OR1D5: variants seen among roughly 807,000 people sequenced by gnomAD.
The protein encoded by OR1D5 is olfactory receptor 1D5.
For synonymous variants in OR1D5, 56 were observed against 159.1 expected, an observed-to-expected ratio of 0.35 and a Z score of 4.88; for missense variants, 159 against 381.5, an observed-to-expected ratio of 0.42 and a Z score of 4.86.
rs768426956 is a variant in OR1D5 at position 3,062,842 on chromosome 17, C to T, written c.766G>A (p.Ala256Thr). The change falls in exon 1 of 1, where the codon GCT becomes ACT. Residue 256 changes from alanine (A) to threonine (T), a missense_variant. Physicochemically the swap from Ala to Thr is moderately conservative, Grantham distance 58. Coordinates refer to ENST00000575751, the MANE Select transcript of OR1D5 (RefSeq NM_014566.1). ...GVVSLFYGTLAMVYLQPLHTY... is the reference protein window; with the variant it reads ...GVVSLFYGTLTMVYLQPLHTY... ...TGGAGGGGCTGCAGGTACACCATAG[C>T]AAGCGTCCCATAAAAGAGGGAGACC... The T allele has an allele frequency of 1.2e-6, 2 of 1,614,202 alleles. No individual in the cohort carries two copies. The highest frequency in any genetic ancestry group is 2.2e-5 in the South Asian group (2 of 91,084).
In OR1D5 at chr17:3,063,113, C is replaced by G. The variant is rs781701038; in HGVS notation, c.495G>C (p.Arg165Ser). 1 of 1,613,174 alleles carries G rather than the reference C, an allele frequency of 6.2e-7. No homozygotes were observed. Among genetic ancestry groups the G allele is most frequent in the African/African-American group, 1.3e-5 (1 of 74,900 alleles). The stretch of plus-strand genomic sequence containing the variant: ...TCTCTCGAGGCCCACAGAAGGTCAC[C>G]CTGGTCAGGAGGAAGGTGAGGAGGA... ...YGLLLTFLLT[R>S]VTFCGPREIH... The change falls in exon 1 of 1, where the codon AGG (arginine) becomes AGC (serine). Residue 165 changes from arginine (R) to serine (S), a missense_variant. Coordinates refer to ENST00000575751, the MANE Select transcript of OR1D5 (RefSeq NM_014566.1).
chr17:3,063,050 C>T lies in OR1D5; in HGVS notation c.558G>A (p.Trp186Ter). The T allele has an allele frequency of 6.2e-7, 1 of 1,613,844 alleles. No homozygotes were observed. Among genetic ancestry groups the T allele is most frequent in the Non-Finnish European group, 8.5e-7 (1 of 1,179,846 alleles). The change falls in exon 1 of 1, where the codon TGG becomes TGA. Residue 186 changes from tryptophan (W) to a stop codon, truncating the protein, a stop_gained. Transcript: ENST00000575751. LOFTEE classifies it low-confidence loss of function (END_TRUNC). ...YLFCDMYILL[W>*]LACSNTHIIH... is the part of the protein sequence containing the mutation. The stretch of plus-strand genomic sequence containing the variant: ...TGATGTGGGTGTTGGAACATGCCAG[C>T]CACAGCAGGATGTACATGTCACAGA...
rs760918099 is a variant in OR1D5, at chr17:3,062,923, G to C, written c.685C>G (p.Pro229Ala). The change falls in exon 1 of 1, where the codon CCC becomes GCC. Residue 229 changes from proline to alanine, a missense_variant. By Grantham distance (27) the Pro-to-Ala change is conservative (BLOSUM62 -1). Coordinates refer to ENST00000575751, the MANE Select transcript of OR1D5 (RefSeq NM_014566.1). ...VRIVRTILQM[P>A]SASKKYKTFS... ...GTTTTGTATTTCTTAGAGGCCGAGG[G>C]CATTTGAAGGATGGTTCTGACAATA... The C allele has an allele frequency of 1.2e-6, 2 of 1,613,978 alleles. No homozygotes were observed. The highest frequency in any genetic ancestry group is 1.7e-5 in the Admixed American group (1 of 60,004).
rs746768349 is a variant in OR1D5, at chr17:3,062,761, T to C, written c.847A>G (p.Met283Val). The change falls in exon 1 of 1, where the codon ATG becomes GTG. Residue 283 changes from methionine (M) to valine (V), a missense_variant. By Grantham distance (21) the Met-to-Val change is conservative. Transcript: ENST00000575751. ...AGCCTGTAGATGAAAGGGTTCATCA[T>C]AGGTGTCAGCACAGCATACATCACT... is the stretch of plus-strand genomic sequence containing the variant. ...ATVMYAVLTP[M>V]MNPFIYRLRN... 1.8e-5 allele frequency: 29 copies of C among 1,608,398 alleles called. No homozygotes were observed. Among genetic ancestry groups the C allele is most frequent in the Non-Finnish European group, 2.3e-5 (27 of 1,175,066 alleles).
In OR1D5 at chr17:3,062,924, C is replaced by A. The variant is rs371406020; in HGVS notation, c.684G>T (p.Met228Ile). The A allele has an allele frequency of 9.3e-6, 15 of 1,614,058 alleles. No homozygotes were observed. The Middle Eastern group carries it at 2.3e-3, about 249-fold the overall frequency. The change falls in exon 1 of 1, where the codon ATG (methionine) becomes ATT (isoleucine). Residue 228 changes from methionine (M) to isoleucine (I), a missense_variant. Met to Ile is a conservative substitution (Grantham distance 10). Coordinates refer to ENST00000575751, the MANE Select transcript of OR1D5 (RefSeq NM_014566.1). ...TTTTGTATTTCTTAGAGGCCGAGGG[C>A]ATTTGAAGGATGGTTCTGACAATAC... ...YVRIVRTILQ[M>I]PSASKKYKTF...
In OR1D5 at chr17:3,062,791, C is replaced by T. The variant is rs2047672325; in HGVS notation, c.817G>A (p.Ala273Thr). ...GTCAGCACAGCATACATCACTGTGG[C>T]TACTGAGTCCTTCATGGAGTAGGTA... ...LHTYSMKDSV[A>T]TVMYAVLTPM... Residue 273 changes from alanine (A) to threonine (T), a missense_variant, in exon 1 of 1, where the codon GCC (alanine) becomes ACC (threonine). Physicochemically the swap from Ala to Thr is moderately conservative, Grantham distance 58 (BLOSUM62 0). Transcript: ENST00000575751. 1 of 1,613,800 alleles carries T rather than the reference C, an allele frequency of 6.2e-7. No homozygotes were observed. Among genetic ancestry groups the T allele is most frequent in the Admixed American group, 1.7e-5 (1 of 60,008 alleles).
Position 3,063,126 on chromosome 17 carries a change from A to G in OR1D5, c.482T>C (p.Phe161Ser). ...LSVLYGLLLT[F>S]LLTRVTFCGP... is the part of the protein sequence containing the mutation. Reference sequence around the variant, plus strand: ...ACAGAAGGTCACCCTGGTCAGGAGGAAGGTGAGGAGGAGGCCATAGAGAAC... The same window carrying G: ...ACAGAAGGTCACCCTGGTCAGGAGGGAGGTGAGGAGGAGGCCATAGAGAAC... Residue 161 changes from phenylalanine to serine, a missense_variant, in exon 1 of 1, where the codon TTC becomes TCC. Physicochemically the swap from Phe to Ser is radical, Grantham distance 155 (BLOSUM62 -2). Transcript: ENST00000575751. The G allele has an allele frequency of 6.2e-7, 1 of 1,612,896 alleles. No individual in the cohort carries two copies. Among genetic ancestry groups the G allele is most frequent in the East Asian group, 2.2e-5 (1 of 44,740 alleles).
Position 3,063,047 on chromosome 17 carries a change from C to T in OR1D5, c.561G>A (p.Leu187=), listed in dbSNP as rs898234627. 20 of 1,613,700 alleles carry T rather than the reference C, an allele frequency of 1.2e-5. No homozygotes were observed. In the African/African-American group the frequency reaches 2.1e-4, roughly 17 times the overall value. ...LFCDMYILLW[L]ACSNTHIIHT... Reference sequence around the variant, plus strand: ...GAATGATGTGGGTGTTGGAACATGCCAGCCACAGCAGGATGTACATGTCAC... The same window carrying T: ...GAATGATGTGGGTGTTGGAACATGCTAGCCACAGCAGGATGTACATGTCAC... Residue 187 remains leucine, a synonymous_variant, in exon 1 of 1, where the codon CTG becomes CTA. Transcript: ENST00000575751.
At position 3,062,844 on chromosome 17, in the gene OR1D5, A is replaced by G. The variant is rs1376790861; in HGVS notation, c.764T>C (p.Leu255Pro). 1.9e-6 allele frequency: 3 copies of G among 1,614,106 alleles called. No homozygotes were observed. In the Admixed American group the frequency reaches 5.0e-5, roughly 27 times the overall value. Residue 255 changes from leucine to proline, a missense_variant, in exon 1 of 1, where the codon CTT becomes CCT. Transcript: ENST00000575751. ...GAGGGGCTGCAGGTACACCATAGCA[A>G]GCGTCCCATAAAAGAGGGAGACCAC... is the stretch of plus-strand genomic sequence containing the variant. ...LGVVSLFYGT[L>P]AMVYLQPLHT...
Position 3,062,924 on chromosome 17 carries a change from C to T in OR1D5, c.684G>A (p.Met228Ile), listed in dbSNP as rs371406020. ...TTTTGTATTTCTTAGAGGCCGAGGGCATTTGAAGGATGGTTCTGACAATAC... is the reference window on the plus strand; with the variant it reads ...TTTTGTATTTCTTAGAGGCCGAGGGTATTTGAAGGATGGTTCTGACAATAC... The part of the protein sequence containing the change: ...YVRIVRTILQ[M>I]PSASKKYKTF... The change falls in exon 1 of 1, where the codon ATG becomes ATA. Residue 228 changes from methionine (M) to isoleucine (I), a missense_variant. Met to Ile is a conservative substitution (Grantham distance 10, BLOSUM62 1). Coordinates refer to ENST00000575751, the MANE Select transcript of OR1D5 (RefSeq NM_014566.1). 6.2e-7 allele frequency: 1 copy of T among 1,614,058 alleles called. No homozygotes were observed. Among genetic ancestry groups the T allele is most frequent in the African/African-American group, 1.3e-5 (1 of 75,062 alleles).
At position 3,062,955 on chromosome 17, in the gene OR1D5, T is replaced by C. The variant is rs2047673578; in HGVS notation, c.653A>G (p.Tyr218Cys). Reference sequence around the variant, plus strand: ...AAGGATGGTTCTGACAATACGTACATAGGATGTGGTCATGAACCCTAAGGG... The same window carrying C: ...AAGGATGGTTCTGACAATACGTACACAGGATGTGGTCATGAACCCTAAGGG... ...LTPLGFMTTS[Y>C]VRIVRTILQM... The change falls in exon 1 of 1, where the codon TAT (tyrosine) becomes TGT (cysteine). Residue 218 changes from tyrosine (Y) to cysteine (C), a missense_variant. By Grantham distance (194) the Tyr-to-Cys change is radical (BLOSUM62 -2). Coordinates refer to ENST00000575751, the MANE Select transcript of OR1D5 (RefSeq NM_014566.1). 1.9e-6 allele frequency: 3 copies of C among 1,613,802 alleles called. No homozygotes were observed. Among genetic ancestry groups the C allele is most frequent in the Non-Finnish European group, 1.7e-6 (2 of 1,179,836 alleles).
In OR1D5 at chr17:3,063,251, C is replaced by G. The variant is rs199909292; in HGVS notation, c.357G>C (p.Ala119=). The change falls in exon 1 of 1, where the codon GCG becomes GCC. Residue 119 remains alanine (A), a synonymous_variant. Transcript: ENST00000575751. ...AGCAGGTGGCCACATAGCGATCATA[C>G]GCCATCACGGCCAGGATGAGGTTGT... ...TLDNLILAVM[A]YDRYVATCCP... 3 of 1,599,386 alleles carry G rather than the reference C, an allele frequency of 1.9e-6. No homozygotes were observed. The highest frequency in any genetic ancestry group is 1.7e-6 in the Non-Finnish European group (2 of 1,179,858).
chr17:3,062,827 G>T lies in OR1D5; in HGVS notation c.781C>A (p.Gln261Lys), dbSNP rs745314700. The T allele has an allele frequency of 1.9e-6, 3 of 1,614,074 alleles. No homozygotes were observed. Among genetic ancestry groups the T allele is most frequent in the South Asian group, 1.1e-5 (1 of 91,090 alleles). Residue 261 changes from glutamine to lysine, a missense_variant, in exon 1 of 1, where the codon CAG becomes AAG. By Grantham distance (53) the Gln-to-Lys change is moderately conservative. Transcript: ENST00000575751. Reference protein sequence around the residue: ...FYGTLAMVYLQPLHTYSMKDS... With the variant: ...FYGTLAMVYLKPLHTYSMKDS... Reference sequence around the variant, plus strand: ...TTCATGGAGTAGGTATGGAGGGGCTGCAGGTACACCATAGCAAGCGTCCCA... The same window carrying T: ...TTCATGGAGTAGGTATGGAGGGGCTTCAGGTACACCATAGCAAGCGTCCCA...
Position 3,063,301 on chromosome 17 carries a change from A to G in OR1D5, c.307T>C (p.Phe103Leu). ...TCCAGGGTCACCAAGGAGACCAGGA[A>G]GTAGAGCTGTGTCAGACACCCTGCA... ...SYAGCLTQLY[F>L]LVSLVTLDNL... The change falls in exon 1 of 1, where the codon TTC becomes CTC. Residue 103 changes from phenylalanine to leucine, a missense_variant. Phe to Leu is a conservative substitution (Grantham distance 22, BLOSUM62 0). Coordinates refer to ENST00000575751, the MANE Select transcript of OR1D5 (RefSeq NM_014566.1). The G allele has an allele frequency of 6.2e-7, 1 of 1,608,100 alleles. No individual in the cohort carries two copies. Among genetic ancestry groups the G allele is most frequent in the East Asian group, 2.2e-5 (1 of 44,774 alleles).
rs1465773062 is a variant in OR1D5, at chr17:3,062,841, G to A, written c.767C>T (p.Ala256Val). Residue 256 changes from alanine to valine, a missense_variant, in exon 1 of 1, where the codon GCT (alanine) becomes GTT (valine). By Grantham distance (64) the Ala-to-Val change is moderately conservative. Transcript: ENST00000575751. ...GVVSLFYGTL[A>V]MVYLQPLHTY... ...ATGGAGGGGCTGCAGGTACACCATAGCAAGCGTCCCATAAAAGAGGGAGAC... is the reference window on the plus strand; with the variant it reads ...ATGGAGGGGCTGCAGGTACACCATAACAAGCGTCCCATAAAAGAGGGAGAC... The A allele has an allele frequency of 6.2e-7, 1 of 1,614,206 alleles. No individual in the cohort carries two copies. Among genetic ancestry groups the A allele is most frequent in the Admixed American group, 1.7e-5 (1 of 60,036 alleles).
rs769147761 is a variant in OR1D5, at chr17:3,063,049, G to A, written c.559C>T (p.Leu187=). ...LFCDMYILLW[L]ACSNTHIIHT... ...ATGATGTGGGTGTTGGAACATGCCA[G>A]CCACAGCAGGATGTACATGTCACAG... The change falls in exon 1 of 1, where the codon CTG becomes TTG. Residue 187 remains leucine (L), a synonymous_variant. Coordinates refer to ENST00000575751, the MANE Select transcript of OR1D5 (RefSeq NM_014566.1). 1 of 1,613,764 alleles carries A rather than the reference G, an allele frequency of 6.2e-7. No individual in the cohort carries two copies. The highest frequency in any genetic ancestry group is 8.5e-7 in the Non-Finnish European group (1 of 1,179,816).
At position 3,062,947 on chromosome 17, in the gene OR1D5, T is replaced by C. The variant is rs765878564; in HGVS notation, c.661A>G (p.Ile221Val). Reference protein sequence around the residue: ...LGFMTTSYVRIVRTILQMPSA... With the variant: ...LGFMTTSYVRVVRTILQMPSA... Reference sequence around the variant, plus strand: ...GGCATTTGAAGGATGGTTCTGACAATACGTACATAGGATGTGGTCATGAAC... The same window carrying C: ...GGCATTTGAAGGATGGTTCTGACAACACGTACATAGGATGTGGTCATGAAC... The change falls in exon 1 of 1, where the codon ATT (isoleucine) becomes GTT (valine). Residue 221 changes from isoleucine (I) to valine (V), a missense_variant. Coordinates refer to ENST00000575751, the MANE Select transcript of OR1D5 (RefSeq NM_014566.1). 3.7e-6 allele frequency: 6 copies of C among 1,613,972 alleles called. No individual in the cohort carries two copies. The highest frequency in any genetic ancestry group is 2.2e-5 in the East Asian group (1 of 44,872).
At position 3,063,188 on chromosome 17, in the gene OR1D5, G is replaced by T. The variant is rs1196186379; in HGVS notation, c.420C>A (p.Leu140=). The part of the protein sequence containing the change: ...LHYVTAMSPG[L]CVLLLSLCWG... ...AACACAAGGAGAGGAGCAAGACACAGAGCCCAGGGCTCATGGCTGTGACAT... is the reference window on the plus strand; with the variant it reads ...AACACAAGGAGAGGAGCAAGACACATAGCCCAGGGCTCATGGCTGTGACAT... Residue 140 remains leucine (L), a synonymous_variant, in exon 1 of 1, where the codon CTC becomes CTA. Coordinates refer to ENST00000575751, the MANE Select transcript of OR1D5 (RefSeq NM_014566.1). 1 of 1,613,604 alleles carries T rather than the reference G, an allele frequency of 6.2e-7. No homozygotes were observed. Among genetic ancestry groups the T allele is most frequent in the African/African-American group, 1.3e-5 (1 of 74,638 alleles).
chr17:3,062,907 T>A lies in OR1D5; in HGVS notation c.701A>T (p.Lys234Ile), dbSNP rs1309130070. 6.2e-7 allele frequency: 1 copy of A among 1,614,004 alleles called. No homozygotes were observed. The highest frequency in any genetic ancestry group is 1.3e-5 in the African/African-American group (1 of 74,944). The change falls in exon 1 of 1, where the codon AAA becomes ATA. Residue 234 changes from lysine to isoleucine, a missense_variant. By Grantham distance (102) the Lys-to-Ile change is moderately radical. Coordinates refer to ENST00000575751, the MANE Select transcript of OR1D5 (RefSeq NM_014566.1). ...GGCACAGGTAGAGAAGGTTTTGTAT[T>A]TCTTAGAGGCCGAGGGCATTTGAAG... ...TILQMPSASK[K>I]YKTFSTCASH...
Sources: allele counts gnomAD v4.1 joint callset, GRCh38; gene constraint gnomAD v4.1.1; transcripts MANE v1.5; gene names NCBI Gene and HGNC (gene_info 2026-07-23, HGNC 2026-07-21).